SLX4IP: variants seen among roughly 807,000 people sequenced by gnomAD.
SLX4IP encodes SLX4 interacting protein.
SLX4IP carries 34 observed loss-of-function variants against 32.9 expected under a neutral mutation model. The ratio of observed to expected loss-of-function variants is 1.03; its 90% CI spans 0.79 to 1.38. SLX4IP has a LOEUF of 1.38. Ranked by LOEUF, SLX4IP falls within the 40% of genes most tolerant of loss-of-function variation. The pLI is 0.00. For synonymous variants in SLX4IP, 172 were observed against 171.7 expected (o/e 1.00, Z -0.01); for missense variants, 444 against 479.0 (o/e 0.93, Z 0.68).
chr20:10,469,958 G>A (rs6077811), intron 2 of SLX4IP, among the ~76,000 whole-genome samples: 74,842 of 151,986 alleles, frequency 0.49, 19,916 homozygotes, highest in Non-Finnish European at 0.6. Context: ...CAGTCCCAAC[G>A]ACGAAAACTA....
chr20:10,443,314 C>A (rs760372925), intron 1 of SLX4IP, among the ~76,000 whole-genome samples: 29 of 152,248 alleles, frequency 1.9e-4, no homozygotes, highest in African/African-American at 6.0e-4. Context: ...CAGTGCCACA[C>A]CCCAAATATT....
chr20:10,501,040 A>T (rs568985438), intron 2 of SLX4IP, among the ~76,000 whole-genome samples: 1 of 152,276 alleles, frequency 6.6e-6, no homozygotes, highest in East Asian at 1.9e-4. Flanking sequence ...CCCCACTGCC[A>T]TGGTGATATT....
chr20:10,609,475 T>G (rs1245415261), intron 6 of SLX4IP, among the ~76,000 whole-genome samples: 1 of 152,214 alleles, frequency 6.6e-6, no homozygotes, highest in African/African-American at 2.4e-5. Context: ...TCCACATCCC[T>G]GGGCAGAAGG....
At chr20:10,526,396 A>G (rs949221444) in intron 2 of SLX4IP, among the ~76,000 whole-genome samples, 1 of 152,238 alleles carries the variant, frequency 6.6e-6, no homozygotes, top group Non-Finnish European at 1.5e-5. Context: ...GTCAGCTGTC[A>G]TGATCCTTTT....
At chr20:10,447,831 G>T (rs1169414426) in intron 1 of SLX4IP, among the ~76,000 whole-genome samples, 1 of 149,932 alleles carries the variant, frequency 6.7e-6, no homozygotes, top group African/African-American at 2.5e-5. Flanking sequence ...TTCCCATGTA[G>T]CTGGGACCAC....
intron 1 of SLX4IP, among the ~76,000 whole-genome samples, chr20:10,455,323 T>C (rs2065275781): frequency 6.6e-6 from 1 of 152,178 alleles, no homozygotes; most frequent in Non-Finnish European, 1.5e-5. Flanking sequence ...ATTTATGCCT[T>C]TGTTTTTTCC....
chr20:10,544,930 G>A (rs2066147340), intron 2 of SLX4IP, among the ~76,000 whole-genome samples: 1 of 152,076 alleles, frequency 6.6e-6, no homozygotes, highest in Non-Finnish European at 1.5e-5. Flanking sequence ...CAGGATACAA[G>A]GGGGCCTGTA....
At chr20:10,512,503 T>G (rs2065815444) in intron 2 of SLX4IP, among the ~76,000 whole-genome samples, 1 of 149,778 alleles carries the variant, frequency 6.7e-6, no homozygotes. Context: ...TCAAATGATC[T>G]CCTGCCTCAG....
chr20:10,481,298 A>C (rs990830568), intron 2 of SLX4IP, among the ~76,000 whole-genome samples: 2 of 152,204 alleles, frequency 1.3e-5, no homozygotes, highest in Admixed American at 1.3e-4. Flanking sequence ...TTATAGCATC[A>C]CTATTCACAG....
At chr20:10,435,882 A>G (rs1417385018) in intron 1 of SLX4IP, among the ~76,000 whole-genome samples, 1 of 152,166 alleles carries the variant, frequency 6.6e-6, no homozygotes. Context: ...CTAGGCCATA[A>G]GGATTCAGGA....
At chr20:10,440,374 G>C (rs541577640) in intron 1 of SLX4IP, among the ~76,000 whole-genome samples, 16 of 152,006 alleles carry the variant, frequency 1.1e-4, no homozygotes, top group African/African-American at 3.6e-4. Context: ...AGAGTTGCTT[G>C]AACCCACGAG....
chr20:10,513,955 G>A (rs2065830653), intron 2 of SLX4IP, among the ~76,000 whole-genome samples: 2 of 152,196 alleles, frequency 1.3e-5, no homozygotes, highest in African/African-American at 4.8e-5. Flanking sequence ...AATTTTCAAA[G>A]GGAGGGGAGT....
At chr20:10,511,108 T>C (rs1215133375) in intron 2 of SLX4IP, among the ~76,000 whole-genome samples, 1 of 152,216 alleles carries the variant, frequency 6.6e-6, no homozygotes, top group Non-Finnish European at 1.5e-5. Context: ...TGGAACCAAG[T>C]TGTGTCCTTA....
chr20:10,519,226 T>C (rs1158531167), intron 2 of SLX4IP, among the ~76,000 whole-genome samples: 1 of 152,176 alleles, frequency 6.6e-6, no homozygotes, highest in African/African-American at 2.4e-5. Flanking sequence ...TCATATACCA[T>C]AAGATTCCTC....
chr20:10,509,812 C>T (rs1767144978), intron 2 of SLX4IP, among the ~76,000 whole-genome samples: 3 of 152,048 alleles, frequency 2.0e-5, no homozygotes, highest in Admixed American at 6.5e-5. Flanking sequence ...CTTCGGCTTT[C>T]CCAGTATCTG....
intron 2 of SLX4IP, among the ~76,000 whole-genome samples, chr20:10,509,616 C>T (rs1237910983): frequency 6.6e-6 from 1 of 152,106 alleles, no homozygotes; most frequent in African/African-American, 2.4e-5. Flanking sequence ...GAAGATCCAT[C>T]CAGAAAGATG....
chr20:10,475,619 T>C (rs1323302999), intron 2 of SLX4IP, among the ~76,000 whole-genome samples: 1 of 152,210 alleles, frequency 6.6e-6, no homozygotes, highest in Non-Finnish European at 1.5e-5. Context: ...TGCTGGCCTC[T>C]CTCTGCTCCT....
At chr20:10,522,818 C>G (rs942080565) in intron 2 of SLX4IP, among the ~76,000 whole-genome samples, 2 of 152,242 alleles carry the variant, frequency 1.3e-5, no homozygotes, top group African/African-American at 4.8e-5. Context: ...GACCATCTCT[C>G]CTACCCCATG....
At chr20:10,529,147 A>C (rs2065963925) in intron 2 of SLX4IP, among the ~76,000 whole-genome samples, 1 of 152,222 alleles carries the variant, frequency 6.6e-6, no homozygotes, top group Non-Finnish European at 1.5e-5. Context: ...TTACTGCTTT[A>C]ACTTATTTAA....
Sources: allele counts gnomAD v4.1 joint callset (sites outside exome capture counted in the v4.1 genomes callset), GRCh38; gene constraint gnomAD v4.1.1; transcripts MANE v1.5; gene names NCBI Gene and HGNC (gene_info 2026-07-23, HGNC 2026-07-21).